Variants in ZNF385D observed in about 807,000 individuals in gnomAD.
ZNF385D encodes the protein zinc finger protein 385D, also known as zinc finger protein 659.
A neutral mutation model predicts 35.8 loss-of-function variants in ZNF385D; 15 were observed. The observed-to-expected ratio is 0.42, with a 90% CI of 0.28 to 0.64. ZNF385D has a LOEUF of 0.64. Ranked by LOEUF, ZNF385D falls within the 30% of genes least tolerant of loss-of-function variation. ZNF385D has a pLI of 0.23. For synonymous variants in ZNF385D, 212 were observed against 186.8 expected (o/e 1.13, Z -1.10); for missense variants, 474 against 494.6 (o/e 0.96, Z 0.39).
chr3:22,090,645 A>G (rs189525640), intron 3 of ZNF385D, among the ~76,000 whole-genome samples: 2 of 152,288 alleles, frequency 1.3e-5, no homozygotes, highest in East Asian at 1.9e-4. Context: ...GGTTGAGTAA[A>G]TTACAACAAC....
At chr3:21,980,491 CACA>C (rs1265404334) in intron 3 of ZNF385D, among the ~76,000 whole-genome samples, 1 of 152,102 alleles carries the variant, frequency 6.6e-6, no homozygotes. Flanking sequence ...ACTTATAAAA[CACA>C]ACAACTCTTG....
intron 3 of ZNF385D, among the ~76,000 whole-genome samples, chr3:21,916,508 T>G (rs1418741273): frequency 4.6e-5 from 7 of 152,210 alleles, no homozygotes; most frequent in African/African-American, 1.7e-4. Flanking sequence ...AATCCACATA[T>G]TTCTATACCC....
intron 2 of ZNF385D, among the ~76,000 whole-genome samples, chr3:22,334,108 G>C (rs1230893835): frequency 6.6e-6 from 1 of 152,012 alleles, no homozygotes; most frequent in East Asian, 1.9e-4. Context: ...TCTCTTATAA[G>C]TCCATATGAC....
chr3:22,342,170 G>C (rs192136326), intron 2 of ZNF385D, among the ~76,000 whole-genome samples: 2 of 151,270 alleles, frequency 1.3e-5, no homozygotes, highest in African/African-American at 2.4e-5. Context: ...CCAGCTACTC[G>C]GGAGACTGAG....
chr3:21,929,682 T>A (rs1700907135), intron 3 of ZNF385D, among the ~76,000 whole-genome samples: 1 of 151,694 alleles, frequency 6.6e-6, no homozygotes. Flanking sequence ...AAAAATAAAA[T>A]TAAGAAAACA....
chr3:21,926,130 C>G lies in ZNF385D; in HGVS notation c.325+242687G>C, dbSNP rs565164404. On this transcript the variant is annotated intron_variant, in intron 3 of 5. Coordinates refer to the ZNF385D transcript ENST00000494108. ...ACCCTTGATGCAGTTTGGATATTTG[C>G]CCTCTCCAATTTTTTTTTTTATACT... is the stretch of plus-strand genomic sequence containing the variant. 3.5e-5 allele frequency among the ~76,000 whole-genome samples: 5 copies of G among 144,394 alleles called. No individual in the cohort carries two copies. In the East Asian group the frequency reaches 1.1e-3, roughly 31 times the overall value. 94.7% of individuals were successfully genotyped at this position (144,394 alleles called of 152,430 possible). A position where few individuals can be genotyped will look rare whatever the true frequency, so the allele number is the denominator to read the frequency against.
At chr3:22,099,082 G>A (rs1343157965) in intron 3 of ZNF385D, among the ~76,000 whole-genome samples, 2 of 152,046 alleles carry the variant, frequency 1.3e-5, no homozygotes, top group Non-Finnish European at 2.9e-5. Flanking sequence ...TTCAAAGTTA[G>A]GGTACTACTT....
chr3:22,070,251 A>C (rs1297856043), intron 3 of ZNF385D, among the ~76,000 whole-genome samples: 1 of 152,144 alleles, frequency 6.6e-6, no homozygotes, highest in Non-Finnish European at 1.5e-5. Flanking sequence ...TGGATAAAGA[A>C]ATAGGTCCAC....
chr3:21,877,930 A>C (rs1340791055), intron 3 of ZNF385D: 1 of 152,046 alleles, frequency 6.6e-6, no homozygotes, highest in Non-Finnish European at 1.5e-5. Flanking sequence ...TTGATATACT[A>C]TTAATTTTAA....
intron 3 of ZNF385D, among the ~76,000 whole-genome samples, chr3:22,061,922 T>C (rs1335715354): frequency 6.6e-6 from 1 of 152,240 alleles, no homozygotes; most frequent in Admixed American, 6.5e-5. Flanking sequence ...TCTTGTTGGT[T>C]GCTTCATCCC....
intron 3 of ZNF385D, among the ~76,000 whole-genome samples, chr3:22,149,450 G>C (rs917605163): frequency 6.6e-6 from 1 of 152,196 alleles, no homozygotes. Context: ...TTAAGCTTGA[G>C]CATGCAACAG....
At chr3:22,357,722 A>ACT (rs1355330056) in intron 2 of ZNF385D, among the ~76,000 whole-genome samples, 1 of 151,874 alleles carries the variant, frequency 6.6e-6, no homozygotes, top group Non-Finnish European at 1.5e-5. Flanking sequence ...CATCTGGAGT[A>ACT]CTGTTTGTCT....
chr3:21,989,143 C>T (rs910792388), intron 3 of ZNF385D, among the ~76,000 whole-genome samples: 6 of 152,108 alleles, frequency 3.9e-5, no homozygotes, highest in African/African-American at 9.7e-5. Context: ...AGCTGTAGAC[C>T]GGAGCTGTTC....
chr3:22,267,206 C>T (rs1282442025), intron 2 of ZNF385D, among the ~76,000 whole-genome samples: 2 of 151,826 alleles, frequency 1.3e-5, no homozygotes, highest in Non-Finnish European at 1.5e-5. Context: ...GAAGTAGCTA[C>T]TATGTATCCA....
intron 3 of ZNF385D, among the ~76,000 whole-genome samples, chr3:21,792,426 G>A (rs752221043): frequency 6.6e-6 from 1 of 152,148 alleles, no homozygotes; most frequent in Non-Finnish European, 1.5e-5. Context: ...TTGGAAGATA[G>A]CCACACCTAT....
intron 3 of ZNF385D, among the ~76,000 whole-genome samples, chr3:21,561,328 G>C (rs939796787): frequency 3.3e-5 from 5 of 152,336 alleles, no homozygotes; most frequent in African/African-American, 1.2e-4. Flanking sequence ...CATGGGAAAA[G>C]CACAGTATCT....
intron 2 of ZNF385D, among the ~76,000 whole-genome samples, chr3:22,273,203 A>G (rs542806867): frequency 1.5e-3 from 235 of 152,178 alleles, no homozygotes; most frequent in African/African-American, 5.0e-3. Flanking sequence ...AATTAGATCC[A>G]AGTTTCCTAA....
At chr3:21,691,300 T>G (rs2125345199) in intron 1 of ZNF385D, among the ~76,000 whole-genome samples, 1 of 152,304 alleles carries the variant, frequency 6.6e-6, no homozygotes, top group East Asian at 1.9e-4. Flanking sequence ...CAACCTTAGC[T>G]GCTTCCTCTC....
At chr3:21,690,902 C>T (rs572882294) in intron 1 of ZNF385D, among the ~76,000 whole-genome samples, 2 of 152,314 alleles carry the variant, frequency 1.3e-5, no homozygotes, top group South Asian at 2.1e-4. Context: ...TGTGCACCTA[C>T]GTGATCAATA....
Sources: gnomAD v4.1 joint callset for allele counts (sites outside exome capture counted in the v4.1 genomes callset) on GRCh38, gnomAD v4.1.1 for gene constraint, MANE v1.5 for transcripts, NCBI Gene and HGNC (gene_info 2026-07-23, HGNC 2026-07-21) for gene names.